The following FAM162B variants were observed in gnomAD, a reference collection of about 807,000 sequenced individuals.
The protein encoded by FAM162B is protein FAM162B.
FAM162B carries 16 observed loss-of-function variants against 20.0 expected under a neutral mutation model. That is an observed-to-expected ratio of 0.80 (90% CI 0.54 to 1.21). The LOEUF (loss-of-function observed/expected upper bound fraction) is 1.21, where lower values mean the gene tolerates loss of function less well. Among genes scored for constraint, FAM162B ranks in the 50% most tolerant of loss-of-function variants. The probability of loss-of-function intolerance (pLI) is 0.00; values close to 1 mark genes in which losing one functional copy is unlikely to be tolerated. For synonymous variants in FAM162B, 83 were observed against 89.7 expected, an observed-to-expected ratio of 0.93 and a Z score of 0.42; for missense variants, 260 against 227.5, an observed-to-expected ratio of 1.14 and a Z score of -0.92.
At chr6:116,755,958 G>A (rs1231284227) in intron 3 of FAM162B, among the ~76,000 whole-genome samples, 2 of 152,060 alleles carry the variant, frequency 1.3e-5, no homozygotes, top group South Asian at 2.1e-4. Context: ...CAATGCACCT[G>A]GTCACTCAAA....
chr6:116,755,383 G>A (rs1340488692), intron 3 of FAM162B, among the ~76,000 whole-genome samples: 1 of 152,120 alleles, frequency 6.6e-6, no homozygotes, highest in African/African-American at 2.4e-5. Flanking sequence ...GGCCCTAACT[G>A]TCTTCAGTTC....
chr6:116,759,886 CG>C (rs1392145462), intron 3 of FAM162B, among the ~76,000 whole-genome samples: 1 of 152,086 alleles, frequency 6.6e-6, no homozygotes, highest in Non-Finnish European at 1.5e-5. Flanking sequence ...TTCCTTCCCC[CG>C]GTCTTCTCAT....
intron 3 of FAM162B, among the ~76,000 whole-genome samples, chr6:116,759,450 G>A (rs1251368633): frequency 2.0e-5 from 3 of 151,172 alleles, no homozygotes; most frequent in South Asian, 2.1e-4. Context: ...GCAGGCGCCC[G>A]CCACCACGCC....
Position 116,765,689 on chromosome 6 carries a change from T to C in FAM162B, c.-113A>G. The C allele has an allele frequency of 8.6e-7, 1 of 1,167,452 alleles. No individual in the cohort carries two copies. The highest frequency in any genetic ancestry group is 1.1e-6 in the Non-Finnish European group (1 of 929,064). The allele number at this position is 1,167,452 out of a possible 1,614,324, so 72.3% of individuals were successfully genotyped here. On this transcript the variant is annotated 5_prime_UTR_variant, in exon 1 of 4. Transcript: ENST00000368557. ...GCCGCGCGCTGGAGAGCCTGGGACG[T>C]GCAGCTGGAACCCCTGGCGCTCGCA...
In FAM162B at chr6:116,762,705, A is replaced by AT. The variant is rs1478053757; in HGVS notation, c.282-621dup. On this transcript the variant is annotated intron_variant, in intron 2 of 3. Transcript: ENST00000368557. ...GAGGAAAAAGATAAAAGAGACCTTC[A>AT]TTTTAATGTTATTATTATACTGAAA... Among the ~76,000 whole-genome samples, 5 of 152,062 alleles carry AT rather than the reference A, an allele frequency of 3.3e-5. No homozygotes were observed. The East Asian group carries it at 7.7e-4, about 23-fold the overall frequency.
rs767470660 is a variant in FAM162B, at chr6:116,765,285, G to T, written c.173-30C>A. The stretch of plus-strand genomic sequence containing the variant: ...AGCGAAAGCAACCCAGATGGACGCG[G>T]GAACTGACGCACCGGCACAGAGGAT... On this transcript the variant is annotated intron_variant, in intron 1 of 3. Coordinates refer to ENST00000368557, the MANE Select transcript of FAM162B (RefSeq NM_001085480.3). 37 of 1,608,218 alleles carry T rather than the reference G, an allele frequency of 2.3e-5. 1 individual carries two copies. The South Asian group carries it at 4.0e-4, about 17-fold the overall frequency.
intron 3 of FAM162B, among the ~76,000 whole-genome samples, chr6:116,757,442 CACAA>C (rs1392240926): frequency 7.9e-5 from 12 of 152,112 alleles, no homozygotes; most frequent in Middle Eastern, 3.4e-3. Context: ...TTGTGTCATT[CACAA>C]ACAAAGTACA....
At chr6:116,756,006 AT>A (rs1247057768) in intron 3 of FAM162B, among the ~76,000 whole-genome samples, 1 of 152,224 alleles carries the variant, frequency 6.6e-6, no homozygotes, top group Non-Finnish European at 1.5e-5. Flanking sequence ...TAATATTTTC[AT>A]GACTGCTAAC....
At chr6:116,753,052 T>G (rs142755780) in intron 3 of FAM162B, among the ~76,000 whole-genome samples, 70 of 152,190 alleles carry the variant, frequency 4.6e-4, no homozygotes, top group African/African-American at 1.6e-3. Context: ...ACATTTAATA[T>G]AGCCAAAATA....
intron 2 of FAM162B, among the ~76,000 whole-genome samples, chr6:116,764,435 AT>A (rs1212369440): frequency 1.3e-5 from 2 of 151,940 alleles, no homozygotes; most frequent in Non-Finnish European, 2.9e-5. Context: ...CTTTGGAAAG[AT>A]TTTTTTACAG....
Position 116,765,172 on chromosome 6 carries a change from T to A in FAM162B, c.256A>T (p.Met86Leu), listed in dbSNP as rs1271113680. The A allele has an allele frequency of 1.2e-6, 2 of 1,613,554 alleles. No homozygotes were observed. The highest frequency in any genetic ancestry group is 2.7e-5 in the African/African-American group (2 of 74,892). ...ILLWTGRFKSMEEIPPRIPPE... is the reference protein window; with the variant it reads ...ILLWTGRFKSLEEIPPRIPPE... ...GGGATCCGAGGCGGGATCTCCTCCA[T>A]CGATTTGAAACGCCCTGTCCACAGC... The change falls in exon 2 of 4, where the codon ATG becomes TTG. Residue 86 changes from methionine to leucine, a missense_variant. By Grantham distance (15) the Met-to-Leu change is conservative. Transcript: ENST00000368557.
rs529793836 is a variant in FAM162B at position 116,761,735 on chromosome 6, C to T, written c.390+242G>A. Among the ~76,000 whole-genome samples the T allele has an allele frequency of 2.6e-3, 369 of 139,268 alleles. 1 individual carries two copies. The highest frequency in any genetic ancestry group is 8.3e-3 in the African/African-American group (317 of 38,008). The allele number at this position is 139,268 out of a possible 152,430, so 91.4% of individuals were successfully genotyped here. On this transcript the variant is annotated intron_variant, in intron 3 of 3. Transcript: ENST00000368557. Reference sequence around the variant, plus strand: ...ATACTTGTATATATACTTATATATACACACACACACACACACACATATATA... The same window carrying T: ...ATACTTGTATATATACTTATATATATACACACACACACACACACATATATA...
At position 116,754,962 on chromosome 6, in the gene FAM162B, A is replaced by G. The variant is rs1010803750; in HGVS notation, c.391-2267T>C. On this transcript the variant is annotated intron_variant, in intron 3 of 3. Transcript: ENST00000368557. The stretch of plus-strand genomic sequence containing the variant: ...AACTTAATTGATAAACATTGTATGT[A>G]TTCTCCACTCCATCCACTGGCCAGT... Among the ~76,000 whole-genome samples the G allele has an allele frequency of 3.3e-5, 5 of 152,168 alleles. No individual in the cohort carries two copies. In the East Asian group the frequency reaches 9.6e-4, roughly 29 times the overall value.
chr6:116,753,836 T>C (rs190075311), intron 3 of FAM162B, among the ~76,000 whole-genome samples: 1 of 152,244 alleles, frequency 6.6e-6, no homozygotes, highest in Admixed American at 6.5e-5. Context: ...TCCACTGTTA[T>C]GAGGTCCAGG....
intron 3 of FAM162B, among the ~76,000 whole-genome samples, chr6:116,753,809 CTG>C (rs1562466876): frequency 6.6e-6 from 1 of 152,158 alleles, no homozygotes; most frequent in South Asian, 2.1e-4. Context: ...AGACTAAAGA[CTG>C]ATCCATGGGG....
chr6:116,765,477 C>G lies in FAM162B; in HGVS notation c.100G>C (p.Ala34Pro). 2 of 1,412,770 alleles carry G rather than the reference C, an allele frequency of 1.4e-6. No individual in the cohort carries two copies. Among genetic ancestry groups the G allele is most frequent in the South Asian group, 1.6e-5 (1 of 64,262 alleles). The allele number at this position is 1,412,770 out of a possible 1,614,324, so 87.5% of individuals were successfully genotyped here. The change falls in exon 1 of 4, where the codon GCT becomes CCT. Residue 34 changes from alanine to proline, a missense_variant. Transcript: ENST00000368557. ...CAGGGGAGACCCCGGGGCGGAAGAG[C>G]CGGTGCGGGCCGTCGCGTGGCCTCG... ...PLEATRRPAP[A>P]LPPRGLPCYS... is the part of the protein sequence containing the mutation.
chr6:116,756,666 A>C (rs915320836), intron 3 of FAM162B, among the ~76,000 whole-genome samples: 9 of 152,230 alleles, frequency 5.9e-5, no homozygotes, highest in African/African-American at 1.9e-4. Context: ...CTGATATGGC[A>C]AACTTCATTG....
chr6:116,764,534 G>T (rs555374092), intron 2 of FAM162B, among the ~76,000 whole-genome samples: 55 of 152,182 alleles, frequency 3.6e-4, no homozygotes, highest in African/African-American at 1.2e-3. Context: ...CATCTGTCTT[G>T]GTGGGTTTAG....
At position 116,752,517 on chromosome 6, in the gene FAM162B, T is replaced by C; in HGVS notation, c.*80A>G. On this transcript the variant is annotated 3_prime_UTR_variant, in exon 4 of 4. Transcript: ENST00000368557. Reference sequence around the variant, plus strand: ...AATAAAACCATGGCAGATATTTTGGTAAATATTCTATTTTTCCCATCTTCT... The same window carrying C: ...AATAAAACCATGGCAGATATTTTGGCAAATATTCTATTTTTCCCATCTTCT... 3.2e-6 allele frequency: 2 copies of C among 625,722 alleles called. No individual in the cohort carries two copies. The highest frequency in any genetic ancestry group is 5.1e-6 in the Non-Finnish European group (2 of 388,884). 38.8% of individuals were successfully genotyped at this position (625,722 alleles called of 1,614,324 possible).
Sources: allele counts gnomAD v4.1 joint callset (sites outside exome capture counted in the v4.1 genomes callset), GRCh38; gene constraint gnomAD v4.1.1; transcripts MANE v1.5; gene names NCBI Gene and HGNC (gene_info 2026-07-23, HGNC 2026-07-21).